The following ARFGAP1 variants were observed in gnomAD, a reference collection of about 807,000 sequenced individuals.
ARFGAP1 encodes the protein ADP-ribosylation factor GTPase-activating protein 1.
A neutral mutation model predicts 54.0 loss-of-function variants in ARFGAP1; 26 were observed. The observed-to-expected ratio is 0.48, with a 90% confidence interval of 0.35 to 0.67. ARFGAP1 has a LOEUF of 0.67. Among genes scored for constraint, ARFGAP1 ranks in the 30% least tolerant of loss-of-function variants. ARFGAP1 has a pLI of 0.00. For missense variants in ARFGAP1, 525 were observed against 535.8 expected (o/e 0.98, Z 0.20); for synonymous variants, 248 against 211.9 (o/e 1.17, Z -1.48).
At chr20:63,284,995 G>A (rs2067490647) in intron 10 of ARFGAP1, 73 bp downstream of exon 10, 2 of 1,558,002 alleles carry the variant, frequency 1.3e-6, no homozygotes, top group Admixed American at 1.8e-5. Context: ...AGGGGTGTTA[G>A]GGGGATTGTT....
intron 8 of ARFGAP1, 40 bp downstream of exon 8, chr20:63,281,387 C>G (rs1299083241): frequency 1.4e-5 from 22 of 1,565,364 alleles, no homozygotes; most frequent in Non-Finnish European, 1.9e-5. Flanking sequence ...CCCCACCAGG[C>G]CCTCGGGACA....
In ARFGAP1 at chr20:63,275,622, G is replaced by C. The variant is rs747908122; in HGVS notation, c.42G>C (p.Arg14Ser). Residue 14 changes from arginine to serine, a missense_variant, in exon 2 of 13, where the codon AGG (arginine) becomes AGC (serine). Physicochemically the swap from Arg to Ser is moderately radical, Grantham distance 110. This residue lies in a region of ARFGAP1 where 39 missense variants were observed against 40.4 expected (regional missense o/e 0.97). Transcript: ENST00000370283. The part of the protein sequence containing the change: ...PRTRKVLKEV[R>S]VQDENNVCFE... ...CCAGGAAGGTTCTTAAAGAAGTCAG[G>C]GTGCAGGATGAGAACAACGTAAGCC... The C allele has an allele frequency of 1.2e-6, 2 of 1,613,876 alleles. No homozygotes were observed. Among genetic ancestry groups the C allele is most frequent in the Non-Finnish European group, 1.7e-6 (2 of 1,180,002 alleles).
intron 12 of ARFGAP1, chr20:63,286,820 T>G: frequency 3.0e-5 from 7 of 235,866 alleles, no homozygotes; most frequent in Non-Finnish European, 5.1e-5. Flanking sequence ...TGCTCTGCTG[T>G]TCCTCTGTCT....
chr20:63,286,772 G>T, intron 12 of ARFGAP1: 1 of 226,296 alleles, frequency 4.4e-6, no homozygotes. Context: ...GGGAGGGAGG[G>T]TCTCACCCAT....
chr20:63,277,265 AC>A lies in ARFGAP1; in HGVS notation c.407del (p.Pro136HisfsTer21). The A allele has an allele frequency of 6.2e-7, 1 of 1,612,908 alleles. No homozygotes were observed. Among genetic ancestry groups the A allele is most frequent in the Non-Finnish European group, 8.5e-7 (1 of 1,179,880 alleles). On this transcript the variant is annotated frameshift_variant, in exon 5 of 13. Transcript: ENST00000370283. LOFTEE classifies it high-confidence loss of function. ...GGAGTCATCACCTGCCCAGAACTGG[AC>A]CCCACCTCAGCCCAGGACGCTGCCG... ...SLESSPAQNWTPPQPRTLPSM... is the reference protein window; with the variant it reads ...SLESSPAQNWXPPQPRTLPSM...
rs1162104257 is a variant in ARFGAP1 at position 63,289,509 on chromosome 20, C to T, written c.*1636C>T. On this transcript the variant is annotated 3_prime_UTR_variant, in exon 13 of 13. Coordinates refer to ENST00000370283, the MANE Select transcript of ARFGAP1 (RefSeq NM_018209.4). ...GCATGGAGCCAAGGTCTGTCCCCGC[C>T]CAGGAGGGTGCCTTCCTCGGGGGTA... The T allele has an allele frequency of 6.6e-6, 1 of 152,404 alleles. No homozygotes were observed. Among genetic ancestry groups the T allele is most frequent in the East Asian group, 1.9e-4 (1 of 5,190 alleles). 9.4% of individuals were successfully genotyped at this position (152,404 alleles called of 1,614,324 possible). A position where few individuals can be genotyped will look rare whatever the true frequency, so the allele number is the denominator to read the frequency against.
intron 1 of ARFGAP1, chr20:63,273,332 C>G (rs1359479810): frequency 6.6e-6 from 1 of 152,282 alleles, no homozygotes; most frequent in Non-Finnish European, 1.5e-5. Context: ...TCCCGAGCTC[C>G]TTCGGACCCA....
chr20:63,281,991 C>T lies in ARFGAP1; in HGVS notation c.684+644C>T, dbSNP rs145133318. 3.0e-3 allele frequency among the ~76,000 whole-genome samples: 458 copies of T among 152,266 alleles called. 10 individuals carry two copies. Among genetic ancestry groups the T allele is most frequent in the Admixed American group, 0.028 (424 of 15,306 alleles). Reference sequence around the variant, plus strand: ...GCTCTTGTGAGTGGAAGTCACGGTGCGCACCTGTCAGATGTCCCCGTGGTC... The same window carrying T: ...GCTCTTGTGAGTGGAAGTCACGGTGTGCACCTGTCAGATGTCCCCGTGGTC... On this transcript the variant is annotated intron_variant, in intron 8 of 12. Coordinates refer to ENST00000370283, the MANE Select transcript of ARFGAP1 (RefSeq NM_018209.4).
intron 8 of ARFGAP1, among the ~76,000 whole-genome samples, chr20:63,281,782 C>T (rs982127066): frequency 1.3e-5 from 2 of 152,160 alleles, no homozygotes; most frequent in African/African-American, 4.8e-5. Flanking sequence ...TTGGGGCTTT[C>T]GTCAGGGCAG....
chr20:63,276,529 A>G lies in ARFGAP1; in HGVS notation c.220A>G (p.Lys74Glu), dbSNP rs1170832137. The G allele has an allele frequency of 6.2e-7, 1 of 1,614,008 alleles. No homozygotes were observed. The highest frequency in any genetic ancestry group is 1.1e-5 in the South Asian group (1 of 91,070). ...CAAGTGGAAGGACATTGAGCTTGAG[A>G]AGATGAAAGCTGGTGGGAATGCTAA... ...MDKWKDIELE[K>E]MKAGGNAKFR... The change falls in exon 4 of 13, where the codon AAG (lysine) becomes GAG (glutamate). Residue 74 changes from lysine (K) to glutamate (E), a missense_variant. Lys to Glu is a moderately conservative substitution (Grantham distance 56). Transcript: ENST00000370283. The surrounding 1 kb of genome is among the most constrained non-coding windows in gnomAD (Gnocchi z 5.2).
intron 2 of ARFGAP1, 85 bp downstream of exon 2, chr20:63,275,725 T>C: frequency 7.5e-7 from 1 of 1,327,644 alleles, no homozygotes; most frequent in Non-Finnish European, 1.1e-6. Context: ...CCTGTAGTTC[T>C]GGGACCCTCC....
intron 5 of ARFGAP1, 52 bp downstream of exon 5, chr20:63,277,357 A>C: frequency 1.4e-6 from 2 of 1,454,394 alleles, no homozygotes; most frequent in Non-Finnish European, 1.9e-6. Context: ...TCCTGAACTT[A>C]GTAGATTGGG....
intron 8 of ARFGAP1, among the ~76,000 whole-genome samples, chr20:63,281,951 G>A (rs6011719): frequency 0.058 from 8,793 of 152,238 alleles, 325 homozygotes; most frequent in Middle Eastern, 0.11. Flanking sequence ...AAGCAGCCAA[G>A]GCACCTAGGG....
chr20:63,283,738 C>G, intron 9 of ARFGAP1: 3 of 1,163,834 alleles, frequency 2.6e-6, no homozygotes, highest in South Asian at 2.8e-5. Context: ...AGAGCCTGCC[C>G]GGTGCTGCCT....
At chr20:63,275,507 C>A in intron 1 of ARFGAP1, 70 bp from the exon 2 acceptor site, 1 of 1,455,094 alleles carries the variant, frequency 6.9e-7, no homozygotes, top group Non-Finnish European at 9.6e-7. Context: ...TGTTTTTGGA[C>A]AGACGTTATT....
intron 8 of ARFGAP1, among the ~76,000 whole-genome samples, chr20:63,282,086 G>A (rs1568737663): frequency 1.3e-5 from 2 of 152,038 alleles, no homozygotes; most frequent in Non-Finnish European, 2.9e-5. Flanking sequence ...CTCTGGCCCC[G>A]TGTCTTCCCC....
intron 7 of ARFGAP1, among the ~76,000 whole-genome samples, chr20:63,279,801 A>G (rs1001860639): frequency 7.9e-5 from 12 of 152,102 alleles, no homozygotes; most frequent in Admixed American, 1.3e-4. Context: ...ACGGGAATAC[A>G]TTTTGTTCCA....
Position 63,287,803 on chromosome 20 carries a change from G to A in ARFGAP1, c.1151G>A (p.Gly384Glu), listed in dbSNP as rs761039766. ...AGCAACAGCGACGGCGGGGAGGGCG[G>A]GGAGGGCACCAAGAAGGCAGTGCCG... ...RNSNSDGGEG[G>E]EGTKKAVPPA... The change falls in exon 13 of 13, where the codon GGG becomes GAG. Residue 384 changes from glycine to glutamate, a missense_variant. Coordinates refer to ENST00000370283, the MANE Select transcript of ARFGAP1 (RefSeq NM_018209.4). 6 of 1,597,924 alleles carry A rather than the reference G, an allele frequency of 3.8e-6. No individual in the cohort carries two copies. Among genetic ancestry groups the A allele is most frequent in the Non-Finnish European group, 3.4e-6 (4 of 1,173,172 alleles).
chr20:63,282,684 A>G (rs2067415365), intron 8 of ARFGAP1, 135 bp from the exon 9 acceptor site: 1 of 807,134 alleles, frequency 1.2e-6, no homozygotes, highest in Non-Finnish European at 2.1e-6. Context: ...TCAGAGTTAT[A>G]GGGCCCGCCC....
Sources: allele counts gnomAD v4.1 joint callset (sites outside exome capture counted in the v4.1 genomes callset), GRCh38; gene constraint gnomAD v4.1.1; regional missense constraint gnomAD v4.1.1; non-coding constraint Gnocchi (gnomAD v3.1); transcripts MANE v1.5; gene names NCBI Gene and HGNC (gene_info 2026-07-23, HGNC 2026-07-21).